Variants in FAM110B observed in about 807,000 individuals in gnomAD.
FAM110B encodes the protein protein FAM110B.
Under a neutral mutation model 20.4 loss-of-function variants are expected in FAM110B, and 6 were observed. That is an observed-to-expected ratio of 0.29 (90% confidence interval 0.16 to 0.58). The LOEUF (loss-of-function observed/expected upper bound fraction) is 0.58, where lower values mean the gene tolerates loss of function less well. FAM110B is among the 20% of genes least tolerant of loss of function. The pLI, the probability that FAM110B is intolerant of heterozygous loss-of-function variation, is 0.90. For synonymous variants in FAM110B, 226 were observed against 214.1 expected (o/e 1.06, Z -0.49); for missense variants, 434 against 498.2 (o/e 0.87, Z 1.23).
chr8:58,006,923 A>ATATATTTT, intron 1 of FAM110B, among the ~76,000 whole-genome samples: 2 of 126,534 alleles, frequency 1.6e-5, no homozygotes, highest in African/African-American at 6.1e-5. Context: ...ATATATATAT[A>ATATATTTT]TTTTTCCAAA....
chr8:58,053,796 T>C (rs1441208113), intron 2 of FAM110B, among the ~76,000 whole-genome samples: 1 of 152,232 alleles, frequency 6.6e-6, no homozygotes, highest in East Asian at 1.9e-4. Flanking sequence ...GAACTTCAGC[T>C]CACTTAAAAA....
chr8:57,999,833 G>A (rs1375070390), intron 1 of FAM110B, among the ~76,000 whole-genome samples: 1 of 152,140 alleles, frequency 6.6e-6, no homozygotes, highest in Non-Finnish European at 1.5e-5. Context: ...TGGTCTGGGA[G>A]GGCTTTACTG....
At chr8:58,111,220 T>A (rs1807051418) in intron 3 of FAM110B, among the ~76,000 whole-genome samples, 1 of 152,194 alleles carries the variant, frequency 6.6e-6, no homozygotes. Context: ...GCCCCCATGC[T>A]CATCTGCCTG....
chr8:58,009,220 A>C (rs1252116839), intron 1 of FAM110B, among the ~76,000 whole-genome samples: 3 of 152,130 alleles, frequency 2.0e-5, no homozygotes, highest in Non-Finnish European at 4.4e-5. Flanking sequence ...TTGTATCTGG[A>C]GATTTAGGTA....
At chr8:58,055,900 T>C (rs1173413912) in intron 2 of FAM110B, among the ~76,000 whole-genome samples, 1 of 152,188 alleles carries the variant, frequency 6.6e-6, no homozygotes, top group Non-Finnish European at 1.5e-5. Context: ...GTATCAAAAG[T>C]TGTACAGTTG....
chr8:58,113,544 G>A, intron 3 of FAM110B: 1 of 180,412 alleles, frequency 5.5e-6, no homozygotes, highest in Non-Finnish European at 1.2e-5. Context: ...TAATCTTCCT[G>A]CGAATGTGGA....
At chr8:58,102,942 T>A (rs1211454708) in intron 3 of FAM110B, among the ~76,000 whole-genome samples, 1 of 146,234 alleles carries the variant, frequency 6.8e-6, no homozygotes, top group Admixed American at 7.0e-5. Context: ...CAATTAGACT[T>A]ACGCTTTAGA....
chr8:58,147,098 A>C lies in FAM110B; in HGVS notation c.868A>C (p.Asn290His). The change falls in exon 4 of 4, where the codon AAC (asparagine) becomes CAC (histidine). Residue 290 changes from asparagine (N) to histidine (H), a missense_variant. By Grantham distance (68) the Asn-to-His change is moderately conservative. Around this residue, in one of 3 missense-constraint regions of FAM110B, gnomAD observed 94 missense variants for 137.8 expected, o/e 0.68. Transcript: ENST00000519262. ...YCGLDPEELE[N>H]LGMENFARAN... ...TGGACTGGACCCGGAAGAGCTGGAAAACCTGGGAATGGAAAACTTTGCAAG... is the reference window on the plus strand; with the variant it reads ...TGGACTGGACCCGGAAGAGCTGGAACACCTGGGAATGGAAAACTTTGCAAG... The C allele has an allele frequency of 6.2e-7, 1 of 1,614,192 alleles. No homozygotes were observed. The highest frequency in any genetic ancestry group is 8.5e-7 in the Non-Finnish European group (1 of 1,180,032).
chr8:58,018,894 T>C (rs569814966), intron 1 of FAM110B, among the ~76,000 whole-genome samples: 5 of 152,304 alleles, frequency 3.3e-5, no homozygotes, highest in African/African-American at 1.2e-4. Context: ...ATTTTACCAC[T>C]TCACATTAAA....
chr8:58,064,515 G>A (rs948418593), intron 2 of FAM110B, among the ~76,000 whole-genome samples: 1 of 152,024 alleles, frequency 6.6e-6, no homozygotes, highest in Non-Finnish European at 1.5e-5. Flanking sequence ...GTTTTCATCT[G>A]GGTTGTGCTC....
rs779162364 is a variant in FAM110B at position 58,047,965 on chromosome 8, A to G, written c.-414+16262A>G. On this transcript the variant is annotated intron_variant, in intron 2 of 3. Transcript: ENST00000519262. ...ATCTTAACCCTCTTTCAACTTCTCC[A>G]GAAGAGTTATTAGCATAAAAGCTTA... 2.6e-5 allele frequency among the ~76,000 whole-genome samples: 4 copies of G among 152,182 alleles called. No individual in the cohort carries two copies. The East Asian group carries it at 7.7e-4, about 29-fold the overall frequency.
At chr8:58,036,659 C>G (rs1805077823) in intron 2 of FAM110B, among the ~76,000 whole-genome samples, 1 of 152,210 alleles carries the variant, frequency 6.6e-6, no homozygotes, top group Non-Finnish European at 1.5e-5. Flanking sequence ...AGAACCCCCA[C>G]TCTTCTTGCA....
intron 3 of FAM110B, among the ~76,000 whole-genome samples, chr8:58,088,351 G>A (rs1203460251): frequency 6.6e-6 from 1 of 152,116 alleles, no homozygotes; most frequent in East Asian, 1.9e-4. Context: ...TGAATTCCCA[G>A]TTCCAAATGA....
chr8:58,099,635 G>A (rs1806728542), intron 3 of FAM110B, among the ~76,000 whole-genome samples: 1 of 152,022 alleles, frequency 6.6e-6, no homozygotes, highest in South Asian at 2.1e-4. Context: ...CTCTCATATA[G>A]CACATTAATT....
At chr8:58,039,168 C>G (rs908535712) in intron 2 of FAM110B, among the ~76,000 whole-genome samples, 1 of 152,212 alleles carries the variant, frequency 6.6e-6, no homozygotes, top group Non-Finnish European at 1.5e-5. Flanking sequence ...GGCTGGCACT[C>G]ACAGGGCCCC....
chr8:58,041,492 G>A (rs958408708), intron 2 of FAM110B, among the ~76,000 whole-genome samples: 5 of 152,146 alleles, frequency 3.3e-5, no homozygotes, highest in African/African-American at 1.2e-4. Flanking sequence ...ATCAGCAAAT[G>A]TTCTTTGCTG....
chr8:58,146,460 C>T lies in FAM110B; in HGVS notation c.230C>T (p.Pro77Leu). 1 of 1,613,510 alleles carries T rather than the reference C, an allele frequency of 6.2e-7. No homozygotes were observed. Among genetic ancestry groups the T allele is most frequent in the Non-Finnish European group, 8.5e-7 (1 of 1,179,678 alleles). ...AACGCCAAGCAGGAGCCCGTGAAGC[C>T]CGCCGTGCTGGCCAAGCCCCCGGTG... The part of the protein sequence containing the change: ...VINAKQEPVK[P>L]AVLAKPPVCP... Residue 77 changes from proline to leucine, a missense_variant, in exon 4 of 4, where the codon CCC becomes CTC. Pro to Leu is a moderately conservative substitution (Grantham distance 98). Around this residue, in one of 3 missense-constraint regions of FAM110B, gnomAD observed 284 missense variants for 278.3 expected, o/e 1.02. Coordinates refer to ENST00000519262, the MANE Select transcript of FAM110B (RefSeq NM_001377989.1).
intron 3 of FAM110B, among the ~76,000 whole-genome samples, chr8:58,127,712 C>CA (rs930387200): frequency 3.3e-5 from 5 of 151,596 alleles, no homozygotes; most frequent in African/African-American, 7.3e-5. Flanking sequence ...TACATTGGCT[C>CA]AAAAAAAATG....
At chr8:58,125,991 T>G (rs1470980574) in intron 3 of FAM110B, among the ~76,000 whole-genome samples, 2 of 152,200 alleles carry the variant, frequency 1.3e-5, no homozygotes, top group Non-Finnish European at 2.9e-5. Context: ...ATTTTATCAC[T>G]TGCATAGATT....
Sources: gnomAD v4.1 joint callset for allele counts (sites outside exome capture counted in the v4.1 genomes callset) on GRCh38, gnomAD v4.1.1 for gene constraint, gnomAD v4.1.1 regional missense constraint, MANE v1.5 for transcripts, NCBI Gene and HGNC (gene_info 2026-07-23, HGNC 2026-07-21) for gene names.